Variants in TYW1 observed in about 807,000 individuals in gnomAD.
TYW1 encodes S-adenosyl-L-methionine-dependent tRNA 4-demethylwyosine synthase TYW1.
In TYW1, 46 loss-of-function variants were observed where a neutral mutation model predicts 96.2. The ratio of observed to expected loss-of-function variants is 0.48; its 90% CI spans 0.38 to 0.61. The LOEUF (loss-of-function observed/expected upper bound fraction) is 0.61. TYW1 is among the 20% of genes least tolerant of loss of function. The pLI is 0.00. For synonymous variants in TYW1, 274 were observed against 323.0 expected, an observed-to-expected ratio of 0.85 and a Z score of 1.63; for missense variants, 684 against 909.6, an observed-to-expected ratio of 0.75 and a Z score of 3.19.
chr7:67,117,149 TA>T (rs1379998718), intron 12 of TYW1, among the ~76,000 whole-genome samples: 1 of 152,224 alleles, frequency 6.6e-6, no homozygotes, highest in Non-Finnish European at 1.5e-5. Context: ...AGAGCCCCTC[TA>T]ATTGTGCTGG....
chr7:67,187,356 G>A (rs1177800394), intron 14 of TYW1, among the ~76,000 whole-genome samples: 6 of 152,136 alleles, frequency 3.9e-5, no homozygotes, highest in East Asian at 3.9e-4. Context: ...GAGCCACCAC[G>A]CCTGGCTTAA....
Position 67,210,965 on chromosome 7 carries a change from GT to G in TYW1, c.1977+15629del, listed in dbSNP as rs1253603080. Among the ~76,000 whole-genome samples, 3 of 150,866 alleles carry G rather than the reference GT, an allele frequency of 2.0e-5. No individual in the cohort carries two copies. The Admixed American group carries it at 2.0e-4, about 10-fold the overall frequency. ...CCATCATCTGTCTGTCTGTCTTTCT[GT>G]GTCTGCCTGCCTGCCTGTCTGTCTA... On this transcript the variant is annotated intron_variant, in intron 15 of 15. Transcript: ENST00000359626.
chr7:67,139,728 G>GGGGT (rs1384298962), intron 13 of TYW1, among the ~76,000 whole-genome samples: 53 of 138,522 alleles, frequency 3.8e-4, no homozygotes, highest in African/African-American at 1.3e-3. Context: ...TGTGTATACA[G>GGGGT]GTGTGTGTGT....
At chr7:67,074,676 A>G (rs539611846) in intron 10 of TYW1, among the ~76,000 whole-genome samples, 2 of 152,334 alleles carry the variant, frequency 1.3e-5, no homozygotes, top group South Asian at 2.1e-4. Flanking sequence ...TTTAAATGTT[A>G]CATAAATGCT....
At chr7:67,014,951 A>G (rs1793965907) in intron 5 of TYW1, among the ~76,000 whole-genome samples, 1 of 150,446 alleles carries the variant, frequency 6.6e-6, no homozygotes, top group Non-Finnish European at 1.5e-5. Flanking sequence ...GCTAGTTGTG[A>G]ACTCCTGGCC....
At chr7:67,020,414 G>A (rs10950057) in intron 6 of TYW1, among the ~76,000 whole-genome samples, 103,211 of 139,640 alleles carry the variant, frequency 0.74, 34,874 homozygotes, top group Admixed American at 0.81. Flanking sequence ...AATTTTTTAT[G>A]TTTTTAGTAG....
chr7:67,140,158 A>T (rs560441898), intron 13 of TYW1, among the ~76,000 whole-genome samples: 1 of 152,090 alleles, frequency 6.6e-6, no homozygotes, highest in Non-Finnish European at 1.5e-5. Flanking sequence ...TATCATGAGA[A>T]CAGCATGGGA....
chr7:67,107,114 G>C (rs574777180), intron 12 of TYW1, among the ~76,000 whole-genome samples: 1 of 152,302 alleles, frequency 6.6e-6, no homozygotes, highest in South Asian at 2.1e-4. Context: ...GTATATGTTT[G>C]AAGAGATGAG....
At chr7:67,114,532 G>A (rs1200890366) in intron 12 of TYW1, 3 of 152,228 alleles carry the variant, frequency 2.0e-5, no homozygotes, top group African/African-American at 7.2e-5. Flanking sequence ...TTTGTACAGA[G>A]GATTGGGCTT....
chr7:67,199,203 A>T (rs3015926), intron 15 of TYW1, among the ~76,000 whole-genome samples: 59,577 of 151,594 alleles, frequency 0.39, 12,459 homozygotes, highest in African/African-American at 0.54. Context: ...TCAAAAAAAA[A>T]AAATAAATAA....
chr7:67,029,433 A>ATAT (rs1554348917), intron 7 of TYW1, among the ~76,000 whole-genome samples: 1 of 145,020 alleles, frequency 6.9e-6, no homozygotes, highest in African/African-American at 2.5e-5. Context: ...ATATATATAT[A>ATAT]AATAGTATTT....
intron 11 of TYW1, among the ~76,000 whole-genome samples, chr7:67,093,638 T>G (rs866021726): frequency 2.0e-5 from 3 of 152,230 alleles, no homozygotes; most frequent in African/African-American, 7.2e-5. Context: ...GATCAAATTT[T>G]ATTTGAAAAC....
chr7:67,045,488 G>C (rs1024648122), intron 7 of TYW1, among the ~76,000 whole-genome samples: 1 of 151,982 alleles, frequency 6.6e-6, no homozygotes, highest in Non-Finnish European at 1.5e-5. Context: ...AAAGTCCTGG[G>C]TTTACAGGCA....
chr7:67,207,999 G>A (rs1388628927), intron 15 of TYW1, among the ~76,000 whole-genome samples: 1 of 152,150 alleles, frequency 6.6e-6, no homozygotes, highest in Non-Finnish European at 1.5e-5. Context: ...GGAATTTTAG[G>A]TGTAAGCCAC....
At chr7:67,096,101 C>CA (rs1224203742) in intron 11 of TYW1, among the ~76,000 whole-genome samples, 1 of 152,004 alleles carries the variant, frequency 6.6e-6, no homozygotes, top group Non-Finnish European at 1.5e-5. Context: ...CAAAGATGGC[C>CA]AATAATGGCT....
chr7:67,022,345 C>T (rs1794306418), intron 6 of TYW1, among the ~76,000 whole-genome samples: 1 of 152,178 alleles, frequency 6.6e-6, no homozygotes, highest in South Asian at 2.1e-4. Context: ...CCCACAAGGT[C>T]AGAAATACTT....
At chr7:67,209,585 T>G (rs1423299043) in intron 15 of TYW1, among the ~76,000 whole-genome samples, 1 of 152,166 alleles carries the variant, frequency 6.6e-6, no homozygotes, top group African/African-American at 2.4e-5. Flanking sequence ...AATTTTTTTA[T>G]TTTTTGAGAC....
intron 6 of TYW1, among the ~76,000 whole-genome samples, chr7:67,022,274 T>C (rs1794303277): frequency 6.6e-6 from 1 of 152,218 alleles, no homozygotes; most frequent in South Asian, 2.1e-4. Flanking sequence ...CATTTATGTA[T>C]TGTCATAGCT....
chr7:67,160,297 C>T (rs573114360), intron 13 of TYW1, among the ~76,000 whole-genome samples: 1,554 of 152,136 alleles, frequency 0.01, 13 homozygotes, highest in Non-Finnish European at 0.016. Flanking sequence ...CAATTTGTGT[C>T]TATTATGAAC....
Sources: allele counts gnomAD v4.1 joint callset (sites outside exome capture counted in the v4.1 genomes callset), GRCh38; gene constraint gnomAD v4.1.1; transcripts MANE v1.5; gene names NCBI Gene and HGNC (gene_info 2026-07-23, HGNC 2026-07-21).